The following ZNF433 variants were observed in gnomAD, a reference collection of about 807,000 sequenced individuals.
ZNF433 encodes the protein zinc finger protein 433.
Under a neutral mutation model 10.6 loss-of-function variants are expected in ZNF433, and 12 were observed. That is an observed-to-expected ratio of 1.13 (90% CI 0.72 to 1.83). ZNF433 has a LOEUF of 1.83. ZNF433 is among the 40% of genes most tolerant of loss of function. The pLI, the probability that ZNF433 is intolerant of heterozygous loss-of-function variation, is 0.00. For missense variants in ZNF433, 737 were observed against 798.0 expected (o/e 0.92, Z 0.92); for synonymous variants, 272 against 271.3 (o/e 1.00, Z -0.02).
chr19:12,024,289 TTTAA>T (rs1181132524), intron 1 of ZNF433: 1 of 152,236 alleles, frequency 6.6e-6, no homozygotes. Flanking sequence ...AAAATTGGCC[TTTAA>T]TTGTCATAGA....
chr19:12,020,281 T>G (rs578036153), intron 1 of ZNF433, among the ~76,000 whole-genome samples: 4 of 150,108 alleles, frequency 2.7e-5, no homozygotes, highest in African/African-American at 9.9e-5. Context: ...CAAAAAAATT[T>G]TAAAAAAAAA....
At position 12,035,583 on chromosome 19, in the gene ZNF433, C is replaced by T. The variant is rs1300333832; in HGVS notation, c.-44G>A. 2 of 1,559,476 alleles carry T rather than the reference C, an allele frequency of 1.3e-6. No individual in the cohort carries two copies. Among genetic ancestry groups the T allele is most frequent in the Admixed American group, 1.9e-5 (1 of 52,024 alleles). ...CTCCCACGACCAGTGCGGGTCACAGCACAGGCGACAGAAGCTATGGCAGAG... is the reference window on the plus strand; with the variant it reads ...CTCCCACGACCAGTGCGGGTCACAGTACAGGCGACAGAAGCTATGGCAGAG... On this transcript the variant is annotated 5_prime_UTR_variant, in exon 1 of 4. Coordinates refer to ENST00000550507, the MANE Select transcript of ZNF433 (RefSeq NM_001308348.2).
chr19:12,035,455 G>C, intron 1 of ZNF433, 82 bp downstream of exon 1: 3 of 1,538,066 alleles, frequency 2.0e-6, no homozygotes, highest in South Asian at 2.4e-5. Flanking sequence ...GCCGCGGGGA[G>C]GCCCGGGTCC....
chr19:12,022,286 C>T (rs1974535182), intron 1 of ZNF433: 1 of 259,532 alleles, frequency 3.9e-6, no homozygotes, highest in Non-Finnish European at 8.2e-6. Flanking sequence ...TCAGCCCATC[C>T]CTTTGTTTCC....
chr19:12,018,883 G>C (rs533446121), intron 1 of ZNF433, among the ~76,000 whole-genome samples: 1 of 149,962 alleles, frequency 6.7e-6, no homozygotes, highest in Non-Finnish European at 1.5e-5. Context: ...AGTGAGACTC[G>C]GTCTCAAAAA....
intron 1 of ZNF433, chr19:12,026,834 A>G (rs279173): frequency 0.028 from 12,931 of 453,988 alleles, 1,473 homozygotes; most frequent in African/African-American, 0.24. Context: ...TGGCCACACT[A>G]TGTTCAGCTG....
In ZNF433 at chr19:12,016,387, A is replaced by G. The variant is rs1974200399; in HGVS notation, c.471T>C (p.His157=). The change falls in exon 4 of 4, where the codon CAT becomes CAC. Residue 157 remains histidine (H), a synonymous_variant. Coordinates refer to ENST00000550507, the MANE Select transcript of ZNF433 (RefSeq NM_001308348.2). ...GTTTCCTTCCACTATGAGCCCTTTC[A>G]TGTGTCTGAACAGAGGAGAGACAGT... is the stretch of plus-strand genomic sequence containing the variant. The part of the protein sequence containing the change: ...PFNCLSSVQT[H]ERAHSGRKLY... 6.2e-7 allele frequency: 1 copy of G among 1,614,054 alleles called. No individual in the cohort carries two copies. Among genetic ancestry groups the G allele is most frequent in the Admixed American group, 1.7e-5 (1 of 59,998 alleles).
At chr19:12,025,512 A>G (rs1420568140) in intron 1 of ZNF433, 2 of 152,244 alleles carry the variant, frequency 1.3e-5, no homozygotes, top group Non-Finnish European at 1.5e-5. Context: ...CAGATACAGC[A>G]TTACCTGGAA....
chr19:12,033,241 G>A (rs1395193947), intron 1 of ZNF433, among the ~76,000 whole-genome samples: 1 of 152,134 alleles, frequency 6.6e-6, no homozygotes, highest in East Asian at 1.9e-4. Context: ...CTACAGGTGT[G>A]TGCCATCACA....
chr19:12,026,700 T>A, intron 1 of ZNF433: 1 of 454,116 alleles, frequency 2.2e-6, no homozygotes, highest in Non-Finnish European at 4.4e-6. Context: ...ATGAACGTAC[T>A]TGTTTGGGAA....
At chr19:12,018,084 A>G (rs1974300985) in intron 2 of ZNF433, 82 bp downstream of exon 2, 2 of 1,461,470 alleles carry the variant, frequency 1.4e-6, no homozygotes, top group Non-Finnish European at 1.8e-6. Context: ...AACAGCATAC[A>G]TGAGCTAAAA....
chr19:12,016,753 CTTTT>C, intron 3 of ZNF433, 87 bp from the exon 4 acceptor site: 1 of 1,478,986 alleles, frequency 6.8e-7, no homozygotes, highest in Non-Finnish European at 8.9e-7. Flanking sequence ...CATTTTTTCT[CTTTT>C]TTTTGAGATG....
intron 1 of ZNF433, among the ~76,000 whole-genome samples, chr19:12,030,675 C>T (rs1198375290): frequency 6.6e-6 from 1 of 152,046 alleles, no homozygotes; most frequent in Non-Finnish European, 1.5e-5. Context: ...GAAATATAGA[C>T]CAATGGAGAG....
In ZNF433 at chr19:12,016,159, A is replaced by T; in HGVS notation, c.699T>A (p.Ser233Arg). 1 of 1,614,098 alleles carries T rather than the reference A, an allele frequency of 6.2e-7. No individual in the cohort carries two copies. Among genetic ancestry groups the T allele is most frequent in the Non-Finnish European group, 8.5e-7 (1 of 1,180,010 alleles). Residue 233 changes from serine to arginine, a missense_variant, in exon 4 of 4, where the codon AGT becomes AGA. By Grantham distance (110) the Ser-to-Arg change is moderately radical. Transcript: ENST00000550507. Reference sequence around the variant, plus strand: ...CATGTATTCGAAGGCTACTAGAATGACTAAAGGCTTTACCACACTGTTTAC... The same window carrying T: ...CATGTATTCGAAGGCTACTAGAATGTCTAAAGGCTTTACCACACTGTTTAC... ...YQCKQCGKAF[S>R]HSSSLRIHER...
Position 12,015,982 on chromosome 19 carries a change from A to C in ZNF433, c.876T>G (p.His292Gln). 6.2e-7 allele frequency: 1 copy of C among 1,613,854 alleles called. No homozygotes were observed. The highest frequency in any genetic ancestry group is 1.1e-5 in the South Asian group (1 of 91,062). ...KQCGKAFSSS[H>Q]SFQIHERTHT... The stretch of plus-strand genomic sequence containing the variant: ...GAGTTCTTTCATGTATTTGAAAGGA[A>C]TGGGAAGAGCTGAAGGCTTTCCCAC... Residue 292 changes from histidine to glutamine, a missense_variant, in exon 4 of 4, where the codon CAT (histidine) becomes CAG (glutamine). Coordinates refer to ENST00000550507, the MANE Select transcript of ZNF433 (RefSeq NM_001308348.2).
chr19:12,019,679 C>CATTG (rs1441272247), intron 1 of ZNF433, among the ~76,000 whole-genome samples: 1 of 152,156 alleles, frequency 6.6e-6, no homozygotes, highest in Admixed American at 6.5e-5. Context: ...TCCACATGTC[C>CATTG]ATTGATGGCT....
Position 12,016,472 on chromosome 19 carries a change from T to G in ZNF433, c.386A>C (p.Tyr129Ser). Residue 129 changes from tyrosine to serine, a missense_variant, in exon 4 of 4, where the codon TAT becomes TCT. Tyr to Ser is a moderately radical substitution (Grantham distance 144). Coordinates refer to ENST00000550507, the MANE Select transcript of ZNF433 (RefSeq NM_001308348.2). ...TTTCTGTCCATATTCTTGATACTCA[T>G]ATGCCTTGTGTCCAGTGTCATCTCT... ...HIRDDTGHKA[Y>S]EYQEYGQKPY... The G allele has an allele frequency of 6.2e-7, 1 of 1,614,182 alleles. No homozygotes were observed. Among genetic ancestry groups the G allele is most frequent in the South Asian group, 1.1e-5 (1 of 91,076 alleles).
chr19:12,030,956 GTTCTAGCTA>G (rs530073211), intron 1 of ZNF433, among the ~76,000 whole-genome samples: 14 of 151,968 alleles, frequency 9.2e-5, no homozygotes, highest in Non-Finnish European at 2.1e-4. Flanking sequence ...AACACCTGTA[GTTCTAGCTA>G]TTTGGGAAGC....
At chr19:12,031,601 G>A (rs1451061154) in intron 1 of ZNF433, among the ~76,000 whole-genome samples, 2 of 152,166 alleles carry the variant, frequency 1.3e-5, no homozygotes, top group Non-Finnish European at 2.9e-5. Context: ...CCAAGATCGT[G>A]CCACTGCACT....
Sources: gnomAD v4.1 joint callset for allele counts (sites outside exome capture counted in the v4.1 genomes callset) on GRCh38, gnomAD v4.1.1 for gene constraint, MANE v1.5 for transcripts, NCBI Gene and HGNC (gene_info 2026-07-23, HGNC 2026-07-21) for gene names.